ZMAT4: variants seen among roughly 807,000 people sequenced by gnomAD.
The protein encoded by ZMAT4 is zinc finger matrin-type protein 4.
In ZMAT4, 17 loss-of-function variants were observed where a neutral mutation model predicts 28.7. The observed-to-expected ratio is 0.59, with a 90% CI of 0.41 to 0.89. The LOEUF is 0.89. Among genes scored for constraint, ZMAT4 ranks in the 40% least tolerant of loss-of-function variants. The probability of loss-of-function intolerance (pLI) is 0.00; values close to 1 mark genes in which losing one functional copy is unlikely to be tolerated. For missense variants in ZMAT4, 240 were observed against 283.8 expected (o/e 0.85, Z 1.11); for synonymous variants, 117 against 109.2 (o/e 1.07, Z -0.44).
intron 5 of ZMAT4, among the ~76,000 whole-genome samples, chr8:40,637,350 A>T (rs891802355): frequency 6.6e-6 from 1 of 152,220 alleles, no homozygotes; most frequent in Non-Finnish European, 1.5e-5. Flanking sequence ...AATCAGAATT[A>T]TTGACAGTGA....
intron 2 of ZMAT4, among the ~76,000 whole-genome samples, chr8:40,768,388 G>T (rs559611622): frequency 6.6e-6 from 1 of 152,278 alleles, no homozygotes; most frequent in African/African-American, 2.4e-5. Flanking sequence ...ATACTGACTG[G>T]TCCATGCCCA....
rs117050870 is a variant in ZMAT4, at chr8:40,576,833, A to G, written c.674+4332T>C. Among the ~76,000 whole-genome samples, 22 of 152,306 alleles carry G rather than the reference A, an allele frequency of 1.4e-4. No individual in the cohort carries two copies. In the East Asian group the frequency reaches 4.0e-3, roughly 28 times the overall value. ...AACAATAAATCCAAAACCTAAAAATATAACTACCATATGTTCCAGTAATTC... is the reference window on the plus strand; with the variant it reads ...AACAATAAATCCAAAACCTAAAAATGTAACTACCATATGTTCCAGTAATTC... On this transcript the variant is annotated intron_variant, in intron 6 of 6. Transcript: ENST00000297737.
At chr8:40,577,782 AATT>A (rs1420805147) in intron 6 of ZMAT4, among the ~76,000 whole-genome samples, 11 of 151,848 alleles carry the variant, frequency 7.2e-5, no homozygotes, top group Non-Finnish European at 1.3e-4. Flanking sequence ...AATAGATTTT[AATT>A]ATTATTTAAT....
At position 40,699,467 on chromosome 8, in the gene ZMAT4, G is replaced by GA. The variant is rs922513567; in HGVS notation, c.193-2067dup. Reference sequence around the variant, plus strand: ...CCCACTAATGGGTATCTACCCAAAGGAAAAAAAAATCATTGTGTTAAAAAG... The same window carrying GA: ...CCCACTAATGGGTATCTACCCAAAGGAAAAAAAAAATCATTGTGTTAAAAAG... On this transcript the variant is annotated intron_variant, in intron 3 of 6. Coordinates refer to ENST00000297737, the MANE Select transcript of ZMAT4 (RefSeq NM_024645.3). Among the ~76,000 whole-genome samples the GA allele has an allele frequency of 2.4e-4, 36 of 150,528 alleles. No homozygotes were observed. In the Middle Eastern group the frequency reaches 0.014, roughly 57 times the overall value.
chr8:40,859,255 C>T (rs999096957), intron 1 of ZMAT4, among the ~76,000 whole-genome samples: 1 of 152,182 alleles, frequency 6.6e-6, no homozygotes, highest in Non-Finnish European at 1.5e-5. Flanking sequence ...GTAGCTCTCC[C>T]TTGCAGGAAT....
chr8:40,732,567 G>T (rs1413533287), intron 3 of ZMAT4, among the ~76,000 whole-genome samples: 1 of 152,236 alleles, frequency 6.6e-6, no homozygotes, highest in East Asian at 1.9e-4. Context: ...CTCCAGAGTG[G>T]CAGCTAAATT....
chr8:40,816,431 C>A (rs1815542741), intron 2 of ZMAT4, among the ~76,000 whole-genome samples: 1 of 151,912 alleles, frequency 6.6e-6, no homozygotes, highest in African/African-American at 2.4e-5. Flanking sequence ...GTGTTTGTTG[C>A]CAGAATTAGC....
At chr8:40,727,271 A>C (rs571935527) in intron 3 of ZMAT4, among the ~76,000 whole-genome samples, 1 of 152,260 alleles carries the variant, frequency 6.6e-6, no homozygotes, top group Non-Finnish European at 1.5e-5. Context: ...AGGCAGATAC[A>C]ACAGTGTCCA....
Position 40,654,929 on chromosome 8 carries a change from T to A in ZMAT4, c.577+19775A>T, listed in dbSNP as rs543309704. ...TGCTTGCCACTTCTATTCAAGATTG[T>A]GCTGGAGGCTCTGGCCAGTACCGTT... On this transcript the variant is annotated intron_variant, in intron 5 of 6. Transcript: ENST00000297737. Among the ~76,000 whole-genome samples the A allele has an allele frequency of 2.6e-5, 4 of 152,222 alleles. No homozygotes were observed. The East Asian group carries it at 7.7e-4, about 29-fold the overall frequency.
intron 3 of ZMAT4, among the ~76,000 whole-genome samples, chr8:40,752,160 C>A (rs1487931671): frequency 6.6e-6 from 1 of 152,182 alleles, no homozygotes; most frequent in Non-Finnish European, 1.5e-5. Flanking sequence ...ATCCAGACAA[C>A]CTTCTGCTGC....
At chr8:40,701,509 T>C (rs898883602) in intron 3 of ZMAT4, among the ~76,000 whole-genome samples, 14 of 69,960 alleles carry the variant, frequency 2.0e-4, no homozygotes, top group African/African-American at 1.1e-3. Flanking sequence ...ATGCAGAATT[T>C]TTTTTTTTTT....
chr8:40,610,463 C>T (rs529385303), intron 5 of ZMAT4, among the ~76,000 whole-genome samples: 1 of 152,134 alleles, frequency 6.6e-6, no homozygotes, highest in South Asian at 2.1e-4. Flanking sequence ...GACAATCTAA[C>T]AAAAATTTCC....
intron 6 of ZMAT4, among the ~76,000 whole-genome samples, chr8:40,546,300 CAAA>C (rs991474050): frequency 2.1e-4 from 14 of 66,734 alleles, no homozygotes; most frequent in South Asian, 4.8e-4. Context: ...ATCACTTGAA[CAAA>C]AAAAAAAAAA....
intron 5 of ZMAT4, among the ~76,000 whole-genome samples, chr8:40,602,119 G>A (rs1805419182): frequency 6.6e-6 from 1 of 152,194 alleles, no homozygotes; most frequent in East Asian, 1.9e-4. Context: ...ATGATGCTTG[G>A]TTTTCCATTC....
intron 1 of ZMAT4, among the ~76,000 whole-genome samples, chr8:40,862,161 G>A (rs1817517074): frequency 6.6e-6 from 1 of 152,042 alleles, no homozygotes; most frequent in African/African-American, 2.4e-5. Flanking sequence ...CAAAGACTTG[G>A]AACCAACCCA....
chr8:40,696,019 G>A (rs1809871840), intron 4 of ZMAT4, among the ~76,000 whole-genome samples: 2 of 151,976 alleles, frequency 1.3e-5, no homozygotes, highest in African/African-American at 4.8e-5. Flanking sequence ...ATGGGGAGTA[G>A]GTTACAAGGT....
chr8:40,760,727 T>TCTCTCC (rs1812900636), intron 3 of ZMAT4, among the ~76,000 whole-genome samples: 3 of 151,410 alleles, frequency 2.0e-5, no homozygotes, highest in African/African-American at 7.3e-5. Flanking sequence ...TCTCTCTCTC[T>TCTCTCC]CTCTCTCTGT....
chr8:40,820,225 T>C (rs1815703015), intron 2 of ZMAT4, among the ~76,000 whole-genome samples: 1 of 151,442 alleles, frequency 6.6e-6, no homozygotes, highest in Non-Finnish European at 1.5e-5. Flanking sequence ...TGCATTTGTG[T>C]ATGTGTGTGT....
At chr8:40,670,839 T>C (rs1351946343) in intron 5 of ZMAT4, among the ~76,000 whole-genome samples, 1 of 151,978 alleles carries the variant, frequency 6.6e-6, no homozygotes, top group East Asian at 1.9e-4. Flanking sequence ...GAGGCCAAGG[T>C]GGGCAGATCA....
Sources: allele counts gnomAD v4.1 joint callset (sites outside exome capture counted in the v4.1 genomes callset), GRCh38; gene constraint gnomAD v4.1.1; transcripts MANE v1.5; gene names NCBI Gene and HGNC (gene_info 2026-07-23, HGNC 2026-07-21).